Variants in ANKIB1 observed in about 807,000 individuals in gnomAD.
ANKIB1 encodes ankyrin repeat and IBR domain-containing protein 1.
A neutral mutation model predicts 122.1 loss-of-function variants in ANKIB1; 43 were observed. The ratio of observed to expected loss-of-function variants is 0.35; its 90% CI spans 0.28 to 0.45. The LOEUF is 0.45. Ranked by LOEUF, ANKIB1 falls within the 20% of genes least tolerant of loss-of-function variation. ANKIB1 has a pLI of 1.00. For synonymous variants in ANKIB1, 390 were observed against 442.0 expected (o/e 0.88, Z 1.48); for missense variants, 992 against 1,329.5 (o/e 0.75, Z 3.95).
At chr7:92,352,345 A>G in intron 8 of ANKIB1, 131 bp from the exon 9 acceptor site, 1 of 949,788 alleles carries the variant, frequency 1.1e-6, no homozygotes, top group Non-Finnish European at 1.5e-6. Context: ...CTTGAGACTG[A>G]CAACTCCATG....
intron 4 of ANKIB1, among the ~76,000 whole-genome samples, chr7:92,323,094 A>G (rs1178178194): frequency 1.3e-5 from 2 of 152,162 alleles, no homozygotes; most frequent in Non-Finnish European, 2.9e-5. Flanking sequence ...CGTAGTCGTC[A>G]TTATTGCATT....
intron 1 of ANKIB1, among the ~76,000 whole-genome samples, chr7:92,257,365 T>C (rs1306918026): frequency 1.3e-5 from 2 of 152,172 alleles, no homozygotes; most frequent in Admixed American, 6.5e-5. Context: ...TACTTATTAA[T>C]TTAAGGTTCT....
chr7:92,275,999 CTT>C (rs902391929), intron 1 of ANKIB1, among the ~76,000 whole-genome samples: 3 of 152,056 alleles, frequency 2.0e-5, no homozygotes, highest in African/African-American at 7.2e-5. Context: ...TGCCATATGT[CTT>C]TGTGTGTGGT....
chr7:92,387,162 CTCT>C (rs1804673241), intron 12 of ANKIB1, among the ~76,000 whole-genome samples: 1 of 152,128 alleles, frequency 6.6e-6, no homozygotes, highest in Admixed American at 6.6e-5. Flanking sequence ...GTGCCCCTTC[CTCT>C]TCTTTTAAGA....
chr7:92,248,679 A>G (rs1458973702), intron 1 of ANKIB1, among the ~76,000 whole-genome samples: 1 of 152,090 alleles, frequency 6.6e-6, no homozygotes, highest in Non-Finnish European at 1.5e-5. Context: ...TTTGCCAAAA[A>G]GGATTTGGGA....
At chr7:92,387,766 A>G (rs1183944438) in intron 12 of ANKIB1, 32 bp from the exon 13 acceptor site, 4 of 1,565,724 alleles carry the variant, frequency 2.6e-6, no homozygotes, top group Admixed American at 1.9e-5. Context: ...ACTAGTTTTT[A>G]TAAAAGTCAT....
Position 92,400,940 on chromosome 7 carries a change from CTT to C in ANKIB1, c.*1993_*1994del, listed in dbSNP as rs1369075315. On this transcript the variant is annotated 3_prime_UTR_variant, in exon 20 of 20. Coordinates refer to ENST00000265742, the MANE Select transcript of ANKIB1 (RefSeq NM_019004.2). ...AGTTGTAATTTTTCCAATATAGAGT[CTT>C]TGCATCACACTGAGGCATCTTGCAC... is the stretch of plus-strand genomic sequence containing the variant. The C allele has an allele frequency of 6.6e-6, 1 of 152,192 alleles. No homozygotes were observed. The highest frequency in any genetic ancestry group is 1.5e-5 in the Non-Finnish European group (1 of 68,030). 9.4% of individuals were successfully genotyped at this position (152,192 alleles called of 1,614,324 possible).
intron 9 of ANKIB1, among the ~76,000 whole-genome samples, chr7:92,361,789 T>C (rs1803952217): frequency 6.6e-6 from 1 of 152,052 alleles, no homozygotes; most frequent in African/African-American, 2.4e-5. Context: ...AACTTTAAAA[T>C]TGGAAGAATA....
intron 11 of ANKIB1, among the ~76,000 whole-genome samples, chr7:92,385,630 G>T (rs1804620267): frequency 6.6e-6 from 1 of 152,106 alleles, no homozygotes; most frequent in African/African-American, 2.4e-5. Flanking sequence ...CTATCACAAG[G>T]ACAGAAAAAC....
chr7:92,382,294 AC>A (rs752197700), intron 11 of ANKIB1, among the ~76,000 whole-genome samples: 14 of 152,198 alleles, frequency 9.2e-5, no homozygotes, highest in Non-Finnish European at 1.6e-4. Context: ...ATAATGGGAG[AC>A]TTTAACACCC....
chr7:92,287,206 C>A (rs1037994508), intron 1 of ANKIB1, among the ~76,000 whole-genome samples: 1 of 152,180 alleles, frequency 6.6e-6, no homozygotes, highest in Non-Finnish European at 1.5e-5. Context: ...ACTAACTAAA[C>A]TATTTACTGT....
At chr7:92,247,541 T>C (rs561064835) in intron 1 of ANKIB1, among the ~76,000 whole-genome samples, 1 of 152,246 alleles carries the variant, frequency 6.6e-6, no homozygotes, top group Non-Finnish European at 1.5e-5. Flanking sequence ...CTGCTTAAAC[T>C]GTGAATGTCT....
chr7:92,391,927 T>G (rs1245245817), intron 16 of ANKIB1, among the ~76,000 whole-genome samples: 1 of 152,170 alleles, frequency 6.6e-6, no homozygotes, highest in Non-Finnish European at 1.5e-5. Flanking sequence ...CTATTTTACA[T>G]AAATTCCTTT....
chr7:92,396,332 T>G, intron 17 of ANKIB1, 33 bp from the exon 18 acceptor site: 1 of 1,169,926 alleles, frequency 8.5e-7, no homozygotes, highest in Non-Finnish European at 1.2e-6. Context: ...AATTGCATGC[T>G]CTCTTGTATT....
intron 1 of ANKIB1, among the ~76,000 whole-genome samples, chr7:92,257,217 A>G (rs1055494028): frequency 4.0e-5 from 6 of 151,720 alleles, no homozygotes; most frequent in Non-Finnish European, 8.8e-5. Context: ...AGAAAAAAAG[A>G]AAAAAAAGAA....
Position 92,347,275 on chromosome 7 carries a change from G to GTT in ANKIB1, c.1085+2217_1085+2218dup, listed in dbSNP as rs144084878. On this transcript the variant is annotated intron_variant, in intron 7 of 19. Coordinates refer to ENST00000265742, the MANE Select transcript of ANKIB1 (RefSeq NM_019004.2). ...CATAAACTTTCTTAGAACATTATGA[G>GTT]TTTTTTTTTGTTTTGTTTTTTGTTT... Among the ~76,000 whole-genome samples, 11 of 151,544 alleles carry GTT rather than the reference G, an allele frequency of 7.3e-5. No individual in the cohort carries two copies. In the South Asian group the frequency reaches 8.4e-4, roughly 12 times the overall value.
intron 1 of ANKIB1, among the ~76,000 whole-genome samples, chr7:92,265,435 C>G (rs1801652095): frequency 6.6e-6 from 1 of 152,142 alleles, no homozygotes; most frequent in African/African-American, 2.4e-5. Flanking sequence ...TTGATATATT[C>G]ATGGAGCAAA....
chr7:92,359,091 A>G (rs777521468), intron 9 of ANKIB1, among the ~76,000 whole-genome samples: 6 of 151,674 alleles, frequency 4.0e-5, no homozygotes, highest in Non-Finnish European at 8.8e-5. Context: ...TTTTTTTCGT[A>G]CTTAAGTTCT....
chr7:92,257,827 C>G (rs1165014831), intron 1 of ANKIB1, among the ~76,000 whole-genome samples: 1 of 152,144 alleles, frequency 6.6e-6, no homozygotes, highest in East Asian at 1.9e-4. Context: ...AAAGATTATT[C>G]TATCTTTCAA....
Sources: gnomAD v4.1 joint callset for allele counts (sites outside exome capture counted in the v4.1 genomes callset) on GRCh38, gnomAD v4.1.1 for gene constraint, MANE v1.5 for transcripts, NCBI Gene and HGNC (gene_info 2026-07-23, HGNC 2026-07-21) for gene names.